Variants in UBE2E3 observed in about 807,000 individuals in gnomAD.
UBE2E3 encodes ubiquitin-conjugating enzyme E2 E3.
Under a neutral mutation model 23.6 loss-of-function variants are expected in UBE2E3, and 5 were observed. The observed-to-expected ratio is 0.21, with a 90% confidence interval of 0.11 to 0.44. The LOEUF (loss-of-function observed/expected upper bound fraction) is 0.44, where lower values mean the gene tolerates loss of function less well. Among genes scored for constraint, UBE2E3 ranks in the 20% least tolerant of loss-of-function variants. The probability of loss-of-function intolerance (pLI) is 0.99; values close to 1 mark genes in which losing one functional copy is unlikely to be tolerated. For synonymous variants in UBE2E3, 78 were observed against 87.5 expected (o/e 0.89, Z 0.60); for missense variants, 81 against 249.8 (o/e 0.32, Z 4.55).
At chr2:180,995,626 G>C (rs1345171768) in intron 3 of UBE2E3, among the ~76,000 whole-genome samples, 1 of 151,904 alleles carries the variant, frequency 6.6e-6, no homozygotes, top group Non-Finnish European at 1.5e-5. Context: ...AGTTTCCTTA[G>C]AGTCTGTTTT....
chr2:181,055,350 A>AGACTGTC (rs1574224386), intron 3 of UBE2E3, among the ~76,000 whole-genome samples: 1 of 151,846 alleles, frequency 6.6e-6, no homozygotes, highest in East Asian at 1.9e-4. Context: ...ACAGTGGAAG[A>AGACTGTC]GACAGAGAGT....
intron 3 of UBE2E3, among the ~76,000 whole-genome samples, chr2:181,044,501 CAGAT>C (rs1205212692): frequency 2.0e-5 from 3 of 152,022 alleles, no homozygotes; most frequent in African/African-American, 4.8e-5. Flanking sequence ...CTAGAGGTGA[CAGAT>C]AGAATGCAGG....
rs563086114 is a variant in UBE2E3, at chr2:180,995,719, C to T, written c.245+11626C>T. On this transcript the variant is annotated intron_variant, in intron 3 of 5. Coordinates refer to ENST00000410062, the MANE Select transcript of UBE2E3 (RefSeq NM_006357.4). ...TATGTTTGGGAGTTAGATCAAGAGG[C>T]TTGATCAAATTCAGGCTGGATTTTT... Among the ~76,000 whole-genome samples the T allele has an allele frequency of 5.4e-5, 8 of 148,016 alleles. No individual in the cohort carries two copies. The South Asian group carries it at 1.7e-3, about 31-fold the overall frequency.
chr2:181,027,599 A>G (rs903175062), intron 3 of UBE2E3, among the ~76,000 whole-genome samples: 2 of 151,814 alleles, frequency 1.3e-5, no homozygotes, highest in Non-Finnish European at 2.9e-5. Flanking sequence ...GCTTTTTTTA[A>G]ATTTGAAGGT....
At chr2:181,059,466 A>G (rs1318525964) in intron 4 of UBE2E3, among the ~76,000 whole-genome samples, 1 of 151,798 alleles carries the variant, frequency 6.6e-6, no homozygotes, top group Non-Finnish European at 1.5e-5. Flanking sequence ...ATCTACATGT[A>G]TAATTTTAAA....
At chr2:181,023,896 C>G (rs1389246303) in intron 3 of UBE2E3, among the ~76,000 whole-genome samples, 1 of 152,152 alleles carries the variant, frequency 6.6e-6, no homozygotes, top group Non-Finnish European at 1.5e-5. Context: ...TAGCTATAAT[C>G]ATTACTACTA....
chr2:181,021,357 C>CT (rs5836764), intron 3 of UBE2E3, among the ~76,000 whole-genome samples: 6,218 of 144,994 alleles, frequency 0.043, 208 homozygotes, highest in African/African-American at 0.084. Flanking sequence ...CTTTTCTCTT[C>CT]TTTTTTTTTT....
At chr2:181,018,695 C>G (rs968078231) in intron 3 of UBE2E3, among the ~76,000 whole-genome samples, 1 of 151,328 alleles carries the variant, frequency 6.6e-6, no homozygotes, top group Non-Finnish European at 1.5e-5. Flanking sequence ...TCACACTTTC[C>G]CAGTCCTCCA....
chr2:181,054,150 A>G (rs886925049), intron 3 of UBE2E3, among the ~76,000 whole-genome samples: 1 of 151,958 alleles, frequency 6.6e-6, no homozygotes, highest in East Asian at 1.9e-4. Context: ...TCAAGCTGCT[A>G]TTCACATCTG....
intron 3 of UBE2E3, among the ~76,000 whole-genome samples, chr2:181,038,370 C>T (rs73039019): frequency 0.037 from 5,677 of 152,216 alleles, 303 homozygotes; most frequent in East Asian, 0.19. Flanking sequence ...TGTGTAAATA[C>T]GCTATGATGT....
At chr2:181,062,682 A>T (rs185497717) in intron 5 of UBE2E3, 109 bp from the exon 6 acceptor site, 3 of 477,710 alleles carry the variant, frequency 6.3e-6, no homozygotes, top group East Asian at 3.4e-5. Context: ...TAGCTATTAT[A>T]TATGAAGATA....
intron 3 of UBE2E3, among the ~76,000 whole-genome samples, chr2:181,008,823 A>G (rs1559119681): frequency 6.6e-6 from 1 of 152,142 alleles, no homozygotes; most frequent in Non-Finnish European, 1.5e-5. Context: ...TAATTTCTTT[A>G]GAGCTAAGCT....
chr2:181,001,015 T>C (rs1684974442), intron 3 of UBE2E3, among the ~76,000 whole-genome samples: 2 of 152,320 alleles, frequency 1.3e-5, no homozygotes, highest in South Asian at 2.1e-4. Flanking sequence ...AATGAAGATA[T>C]TAAGATTTAC....
chr2:181,060,842 A>C, intron 5 of UBE2E3, 30 bp downstream of exon 5: 1 of 1,485,154 alleles, frequency 6.7e-7, no homozygotes. Flanking sequence ...CATGTACAAT[A>C]AGACTACAAA....
chr2:181,006,231 G>GA (rs1179972311), intron 3 of UBE2E3, among the ~76,000 whole-genome samples: 4 of 152,070 alleles, frequency 2.6e-5, no homozygotes, highest in African/African-American at 7.2e-5. Context: ...AAATAGTACA[G>GA]AAAAAATTCC....
intron 3 of UBE2E3, among the ~76,000 whole-genome samples, chr2:181,055,100 T>C (rs1332055910): frequency 6.6e-6 from 1 of 151,442 alleles, no homozygotes; most frequent in Non-Finnish European, 1.5e-5. Context: ...AGTGGAGTAA[T>C]GGGAGGAAAT....
At chr2:181,012,810 A>G (rs1685375586) in intron 3 of UBE2E3, among the ~76,000 whole-genome samples, 1 of 152,088 alleles carries the variant, frequency 6.6e-6, no homozygotes, top group African/African-American at 2.4e-5. Flanking sequence ...TTATTATCTA[A>G]CCCATGTATA....
intron 3 of UBE2E3, among the ~76,000 whole-genome samples, chr2:181,032,364 A>G (rs1035134820): frequency 6.6e-6 from 1 of 152,194 alleles, no homozygotes; most frequent in Admixed American, 6.5e-5. Flanking sequence ...TATCTGATAA[A>G]AAATATATAT....
rs569130502 is a variant in UBE2E3, at chr2:181,055,546, G to A, written c.246-2147G>A. Among the ~76,000 whole-genome samples, 4 of 151,822 alleles carry A rather than the reference G, an allele frequency of 2.6e-5. No homozygotes were observed. In the South Asian group the frequency reaches 6.2e-4, roughly 24 times the overall value. On this transcript the variant is annotated intron_variant, in intron 3 of 5. Coordinates refer to ENST00000410062, the MANE Select transcript of UBE2E3 (RefSeq NM_006357.4). Reference sequence around the variant, plus strand: ...GTAGCCAACACTACCTGGATTTTAGGACTGGATTTTAGCCTTCACTTGTCC... The same window carrying A: ...GTAGCCAACACTACCTGGATTTTAGAACTGGATTTTAGCCTTCACTTGTCC...
Sources: gnomAD v4.1 joint callset for allele counts (sites outside exome capture counted in the v4.1 genomes callset) on GRCh38, gnomAD v4.1.1 for gene constraint, MANE v1.5 for transcripts, NCBI Gene and HGNC (gene_info 2026-07-23, HGNC 2026-07-21) for gene names.